KIRREL3: variants seen among roughly 807,000 people sequenced by gnomAD.
KIRREL3 encodes the protein kin of IRRE-like protein 3.
A neutral mutation model predicts 89.7 loss-of-function variants in KIRREL3; 36 were observed. That is an observed-to-expected ratio of 0.40 (90% CI 0.31 to 0.53). The LOEUF (loss-of-function observed/expected upper bound fraction) is 0.53, where lower values mean the gene tolerates loss of function less well. KIRREL3 is among the 20% of genes least tolerant of loss of function. The pLI, the probability that KIRREL3 is intolerant of heterozygous loss-of-function variation, is 0.49. For missense variants in KIRREL3, 864 were observed against 1,056.6 expected (o/e 0.82, Z 2.53); for synonymous variants, 445 against 441.4 (o/e 1.01, Z -0.10).
At position 126,564,775 on chromosome 11, in the gene KIRREL3, C is replaced by G. The variant is rs1487491353; in HGVS notation, c.56-1863G>C. On this transcript the variant is annotated intron_variant, in intron 1 of 16. Coordinates refer to ENST00000525144, the MANE Select transcript of KIRREL3 (RefSeq NM_032531.4). This position sits in a 1 kb window ranked among gnomAD's most constrained non-coding sequence, Gnocchi z 7.4. ...CCACCTTCAAGAGGCAGGAATGCAG[C>G]CTTCCAGGAGGGGGCCAGTGGAAGT... 1.3e-5 allele frequency among the ~76,000 whole-genome samples: 2 copies of G among 152,170 alleles called. No homozygotes were observed. The highest frequency in any genetic ancestry group is 2.9e-5 in the Non-Finnish European group (2 of 68,028).
In KIRREL3 at chr11:126,442,209, C is replaced by T. The variant is rs535060860; in HGVS notation, c.1253-1660G>A. On this transcript the variant is annotated intron_variant, in intron 10 of 16. Transcript: ENST00000525144. ...CTGGGAGGTGGAGGTTGCAGTGAGC[C>T]GAGATTGCGCCACTGCACTCCAGCC... Among the ~76,000 whole-genome samples, 300 of 142,940 alleles carry T rather than the reference C, an allele frequency of 2.1e-3. 1 individual carries two copies. The highest frequency in any genetic ancestry group is 1.5e-3 in the Non-Finnish European group (102 of 66,486). 93.8% of individuals were successfully genotyped at this position (142,940 alleles called of 152,430 possible).
chr11:126,582,684 G>C (rs751547518), intron 1 of KIRREL3, among the ~76,000 whole-genome samples: 9 of 152,096 alleles, frequency 5.9e-5, no homozygotes, highest in Non-Finnish European at 1.3e-4. Flanking sequence ...GGATGGGAGG[G>C]GAAGGTCACC....
At chr11:126,998,394 T>C (rs1463863490) in intron 1 of KIRREL3, among the ~76,000 whole-genome samples, 5 of 152,188 alleles carry the variant, frequency 3.3e-5, no homozygotes, top group African/African-American at 1.2e-4. Flanking sequence ...TGACCAGCCA[T>C]GTCCACTTGG....
At chr11:126,886,759 A>C (rs1939998) in intron 1 of KIRREL3, among the ~76,000 whole-genome samples, 93,687 of 151,938 alleles carry the variant, frequency 0.62, 30,416 homozygotes, top group African/African-American at 0.82. Flanking sequence ...CTGGGGAATG[A>C]CAGTCTTCAG....
Position 126,477,699 on chromosome 11 carries a change from G to C in KIRREL3, c.434-4233C>G, listed in dbSNP as rs369270424. The stretch of plus-strand genomic sequence containing the variant: ...TTGGTGCCAGGACAAGGACAGCACT[G>C]AGGGAATTTCCTCCAGTGTCCACTT... On this transcript the variant is annotated intron_variant, in intron 4 of 16. Coordinates refer to ENST00000525144, the MANE Select transcript of KIRREL3 (RefSeq NM_032531.4). The surrounding 1 kb of genome is among the most constrained non-coding windows in gnomAD (Gnocchi z 4.8). Among the ~76,000 whole-genome samples, 13 of 152,314 alleles carry C rather than the reference G, an allele frequency of 8.5e-5. No homozygotes were observed. The highest frequency in any genetic ancestry group is 2.9e-4 in the African/African-American group (12 of 41,564).
At position 126,602,090 on chromosome 11, in the gene KIRREL3, C is replaced by T. The variant is rs142586042; in HGVS notation, c.56-39178G>A. Among the ~76,000 whole-genome samples, 340 of 152,292 alleles carry T rather than the reference C, an allele frequency of 2.2e-3. 1 individual carries two copies. The highest frequency in any genetic ancestry group is 3.9e-3 in the Non-Finnish European group (264 of 68,018). On this transcript the variant is annotated intron_variant, in intron 1 of 16. Coordinates refer to ENST00000525144, the MANE Select transcript of KIRREL3 (RefSeq NM_032531.4). ...GTTTGTTTACTGAGAGGAGGAGTAG[C>T]CCCCTCCTTTCTCGCAAAACAAAGT...
intron 1 of KIRREL3, among the ~76,000 whole-genome samples, chr11:126,932,307 C>T (rs139364451): frequency 6.6e-6 from 1 of 152,172 alleles, no homozygotes; most frequent in Non-Finnish European, 1.5e-5. Flanking sequence ...GTCTGCTTAG[C>T]CTCACACACA....
chr11:126,821,793 A>C (rs374316314), intron 1 of KIRREL3, among the ~76,000 whole-genome samples: 1 of 152,056 alleles, frequency 6.6e-6, no homozygotes, highest in East Asian at 1.9e-4. Context: ...GCAGGGTGCA[A>C]AAGATCCCAC....
intron 1 of KIRREL3, among the ~76,000 whole-genome samples, chr11:126,586,319 A>G (rs1164764153): frequency 6.6e-6 from 1 of 152,152 alleles, no homozygotes; most frequent in Non-Finnish European, 1.5e-5. Flanking sequence ...GGTTTAAATC[A>G]TGAAGGAGTA....
chr11:126,684,570 C>G lies in KIRREL3; in HGVS notation c.56-121658G>C, dbSNP rs1441519547. On this transcript the variant is annotated intron_variant, in intron 1 of 16. Transcript: ENST00000525144. The surrounding 1 kb of genome is among the most constrained non-coding windows in gnomAD (Gnocchi z 4.2). ...ACTTCAGTATTCTGATGAATTTACC[C>G]TACCAGGCCAGTCAGAATCGACTCA... Among the ~76,000 whole-genome samples, 1 of 152,196 alleles carries G rather than the reference C, an allele frequency of 6.6e-6. No homozygotes were observed.
At position 126,826,611 on chromosome 11, in the gene KIRREL3, G is replaced by C. The variant is rs549477538; in HGVS notation, c.55+173844C>G. Reference sequence around the variant, plus strand: ...TTCTGCTTTGAACTTTCACGGCTAAGAAGTTTTGGGAAATACGTGTTGGAG... The same window carrying C: ...TTCTGCTTTGAACTTTCACGGCTAACAAGTTTTGGGAAATACGTGTTGGAG... On this transcript the variant is annotated intron_variant, in intron 1 of 16. Coordinates refer to ENST00000525144, the MANE Select transcript of KIRREL3 (RefSeq NM_032531.4). 2.0e-5 allele frequency among the ~76,000 whole-genome samples: 3 copies of C among 152,296 alleles called. No homozygotes were observed. The South Asian group carries it at 6.2e-4, about 32-fold the overall frequency.
chr11:126,893,613 C>T (rs546883345), intron 1 of KIRREL3, among the ~76,000 whole-genome samples: 4 of 152,206 alleles, frequency 2.6e-5, no homozygotes, highest in South Asian at 2.1e-4. Flanking sequence ...CCCGGCTACC[C>T]GGGTTACCGT....
In KIRREL3 at chr11:126,585,220, C is replaced by CTTTT. The variant is rs3042225; in HGVS notation, c.56-22312_56-22309dup. Among the ~76,000 whole-genome samples the CTTTT allele has an allele frequency of 2.9e-3, 237 of 81,910 alleles. 26 individuals carry two copies. The highest frequency in any genetic ancestry group is 0.011 in the African/African-American group (187 of 17,350). The allele number at this position is 81,910 out of a possible 152,430, so 53.7% of individuals were successfully genotyped here. A position where few individuals can be genotyped will look rare whatever the true frequency, so the allele number is the denominator to read the frequency against. ...AGGCGTGAGCCACCGCGCCCGGCCT[C>CTTTT]TTTTTTTTTTTTTTTTTTTTTTTTT... is the stretch of plus-strand genomic sequence containing the variant. On this transcript the variant is annotated intron_variant, in intron 1 of 16. Transcript: ENST00000525144.
rs1260186467 is a variant in KIRREL3, at chr11:126,553,835, T to C, written c.133+9000A>G. Among the ~76,000 whole-genome samples the C allele has an allele frequency of 6.6e-6, 1 of 152,154 alleles. No homozygotes were observed. Among genetic ancestry groups the C allele is most frequent in the African/African-American group, 2.4e-5 (1 of 41,436 alleles). On this transcript the variant is annotated intron_variant, in intron 2 of 16. Coordinates refer to ENST00000525144, the MANE Select transcript of KIRREL3 (RefSeq NM_032531.4). This position sits in a 1 kb window ranked among gnomAD's most constrained non-coding sequence, Gnocchi z 4.7. The stretch of plus-strand genomic sequence containing the variant: ...ACCTAAACACAGAGGCCTCTACCAT[T>C]GTTCATTTTTTTCCATCACTATTAG...
At chr11:126,856,619 A>ATTTT (rs11442624) in intron 1 of KIRREL3, among the ~76,000 whole-genome samples, 1 of 139,568 alleles carries the variant, frequency 7.2e-6, no homozygotes. Flanking sequence ...ACAGACATAT[A>ATTTT]TTTTTTTTTT....
chr11:126,821,935 C>A (rs1420768375), intron 1 of KIRREL3, among the ~76,000 whole-genome samples: 1 of 152,112 alleles, frequency 6.6e-6, no homozygotes, highest in African/African-American at 2.4e-5. Context: ...CCTGCAGACA[C>A]ATTGATTTAA....
At chr11:126,506,561 C>A (rs1958021506) in intron 4 of KIRREL3, among the ~76,000 whole-genome samples, 1 of 152,156 alleles carries the variant, frequency 6.6e-6, no homozygotes, top group Non-Finnish European at 1.5e-5. Flanking sequence ...CACTTGAAAC[C>A]TGTAACAGTG....
At position 126,474,504 on chromosome 11, in the gene KIRREL3, C is replaced by T. The variant is rs760474521; in HGVS notation, c.434-1038G>A. Reference sequence around the variant, plus strand: ...GGGCAGCCCTTCACAGTGGAGCCAGCGCTTCGGAGGGCTGTGTAAGCGCTG... The same window carrying T: ...GGGCAGCCCTTCACAGTGGAGCCAGTGCTTCGGAGGGCTGTGTAAGCGCTG... On this transcript the variant is annotated intron_variant, in intron 4 of 16. Coordinates refer to ENST00000525144, the MANE Select transcript of KIRREL3 (RefSeq NM_032531.4). This position sits in a 1 kb window ranked among gnomAD's most constrained non-coding sequence, Gnocchi z 6.7. 2.0e-5 allele frequency among the ~76,000 whole-genome samples: 3 copies of T among 152,228 alleles called. No homozygotes were observed. Among genetic ancestry groups the T allele is most frequent in the Non-Finnish European group, 2.9e-5 (2 of 68,042 alleles).
Position 126,708,434 on chromosome 11 carries a change from T to C in KIRREL3, c.56-145522A>G, listed in dbSNP as rs916567181. ...ATCTGTAATTCAGCTGTGAATACCCTATTTTCTTTGCAGGGGAAGACTGGA... is the reference window on the plus strand; with the variant it reads ...ATCTGTAATTCAGCTGTGAATACCCCATTTTCTTTGCAGGGGAAGACTGGA... On this transcript the variant is annotated intron_variant, in intron 1 of 16. Coordinates refer to ENST00000525144, the MANE Select transcript of KIRREL3 (RefSeq NM_032531.4). The surrounding 1 kb of genome is among the most constrained non-coding windows in gnomAD (Gnocchi z 5.7). Among the ~76,000 whole-genome samples, 3 of 152,230 alleles carry C rather than the reference T, an allele frequency of 2.0e-5. No homozygotes were observed. The highest frequency in any genetic ancestry group is 4.8e-5 in the African/African-American group (2 of 41,470).
Sources: gnomAD v4.1 joint callset for allele counts (sites outside exome capture counted in the v4.1 genomes callset) on GRCh38, gnomAD v4.1.1 for gene constraint, Gnocchi (gnomAD v3.1) non-coding constraint, MANE v1.5 for transcripts, NCBI Gene and HGNC (gene_info 2026-07-23, HGNC 2026-07-21) for gene names.